Variants in ACAD10 observed in about 807,000 individuals in gnomAD.
ACAD10 encodes the protein ACAD-10.
Under a neutral mutation model 116.8 loss-of-function variants are expected in ACAD10, and 112 were observed. The ratio of observed to expected loss-of-function variants is 0.96; its 90% CI spans 0.82 to 1.12. ACAD10 has a LOEUF of 1.12. Among genes scored for constraint, ACAD10 ranks in the 50% most tolerant of loss-of-function variants. ACAD10 has a pLI of 0.00. For missense variants in ACAD10, 1,259 were observed against 1,350.2 expected (o/e 0.93, Z 1.06); for synonymous variants, 486 against 510.6 (o/e 0.95, Z 0.65).
chr12:111,703,866 TA>T (rs1198138718), intron 3 of ACAD10, among the ~76,000 whole-genome samples: 1 of 151,192 alleles, frequency 6.6e-6, no homozygotes. Context: ...AAAAAAAGGT[TA>T]AAATGGTAAA....
At position 111,748,341 on chromosome 12, in the gene ACAD10, T is replaced by C. The variant is rs267603310; in HGVS notation, c.2510T>C (p.Leu837Pro). 6.2e-7 allele frequency: 1 copy of C among 1,614,044 alleles called. No individual in the cohort carries two copies. The highest frequency in any genetic ancestry group is 1.3e-5 in the African/African-American group (1 of 74,918). ...GGCATCCTGGATCCTCGTTGCCAAC[T>C]CTGTGTGTTTATGGGAAAAACAGAC... ...ITGILDPRCQ[L>P]CVFMGKTDPH... Residue 837 changes from leucine (L) to proline (P), a missense_variant, in exon 17 of 21, where the codon CTC (leucine) becomes CCC (proline). Physicochemically the swap from Leu to Pro is moderately conservative, Grantham distance 98. Transcript: ENST00000313698.
intron 10 of ACAD10, among the ~76,000 whole-genome samples, chr12:111,731,081 A>G (rs1889373876): frequency 6.6e-6 from 1 of 152,336 alleles, no homozygotes; most frequent in East Asian, 1.9e-4. Flanking sequence ...ATGAGCCACC[A>G]TGCCCAGCCT....
intron 2 of ACAD10, among the ~76,000 whole-genome samples, chr12:111,699,845 G>A (rs1414086740): frequency 6.6e-6 from 1 of 152,170 alleles, no homozygotes; most frequent in Non-Finnish European, 1.5e-5. Flanking sequence ...ACTTGATCCT[G>A]GGAGCTTGAG....
At chr12:111,749,021 G>T (rs1199403687) in intron 17 of ACAD10, 152 bp from the exon 18 acceptor site, 2 of 1,612,822 alleles carry the variant, frequency 1.2e-6, no homozygotes. Flanking sequence ...GCTGTTTCCT[G>T]CCGTCCTTTT....
chr12:111,705,992 A>T, intron 4 of ACAD10, 60 bp downstream of exon 4: 1 of 1,554,680 alleles, frequency 6.4e-7, no homozygotes, highest in Non-Finnish European at 8.8e-7. Flanking sequence ...TTCAGGGTGC[A>T]ATGTTAAATG....
At chr12:111,709,441 C>T (rs1222847541) in intron 4 of ACAD10, 85 bp from the exon 5 acceptor site, 2 of 1,177,062 alleles carry the variant, frequency 1.7e-6, no homozygotes, top group African/African-American at 1.6e-5. Flanking sequence ...CCTTCTTATG[C>T]TTTTCCTCTC....
At position 111,729,923 on chromosome 12, in the gene ACAD10, A is replaced by G; in HGVS notation, c.1361A>G (p.Gln454Arg). ...TGGCTGCCCCTCCATCTTCCCCGTC[A>G]GCAGAGGACCACAGTGGTGCACGGG... ...IEWLPLHLPR[Q>R]QRTTVVHGDF... The change falls in exon 10 of 21, where the codon CAG becomes CGG. Residue 454 changes from glutamine to arginine, a missense_variant. Physicochemically the swap from Gln to Arg is conservative, Grantham distance 43. Coordinates refer to ENST00000313698, the MANE Select transcript of ACAD10 (RefSeq NM_025247.6). 1.2e-6 allele frequency: 2 copies of G among 1,614,194 alleles called. No homozygotes were observed. The highest frequency in any genetic ancestry group is 2.2e-5 in the South Asian group (2 of 91,078).
At position 111,692,791 on chromosome 12, in the gene ACAD10, C is replaced by T. The variant is rs374462831; in HGVS notation, c.82C>T (p.His28Tyr). 400 of 1,614,042 alleles carry T rather than the reference C, an allele frequency of 2.5e-4. No individual in the cohort carries two copies. Among genetic ancestry groups the T allele is most frequent in the Non-Finnish European group, 3.3e-4 (386 of 1,180,036 alleles). The change falls in exon 2 of 21, where the codon CAC becomes TAC. Residue 28 changes from histidine to tyrosine, a missense_variant. By Grantham distance (83) the His-to-Tyr change is moderately conservative (BLOSUM62 2). Transcript: ENST00000313698. ...CTTCCTGAAACACACCCAGCGCAGG[C>T]ACCAGGGGTCCCACCGATGGACACA... ...TAFLKHTQRR[H>Y]QGSHRWTHLG...
intron 18 of ACAD10, 134 bp from the exon 19 acceptor site, chr12:111,753,638 A>G: frequency 8.4e-7 from 1 of 1,189,052 alleles, no homozygotes; most frequent in South Asian, 1.3e-5. Flanking sequence ...GAGAAGATGC[A>G]CAGTCCTGGT....
intron 1 of ACAD10, among the ~76,000 whole-genome samples, chr12:111,689,189 C>A (rs1251748606): frequency 6.6e-6 from 1 of 151,418 alleles, no homozygotes; most frequent in Admixed American, 6.6e-5. Flanking sequence ...GACTCCATAT[C>A]AAAAAATATA....
intron 18 of ACAD10, among the ~76,000 whole-genome samples, chr12:111,750,051 G>A (rs2093870803): frequency 1.3e-5 from 2 of 150,796 alleles, no homozygotes; most frequent in African/African-American, 2.4e-5. Flanking sequence ...GGGATTACAG[G>A]TGTGAGCCAC....
intron 2 of ACAD10, among the ~76,000 whole-genome samples, chr12:111,699,868 C>T (rs1205762725): frequency 6.6e-6 from 1 of 152,106 alleles, no homozygotes; most frequent in Non-Finnish European, 1.5e-5. Flanking sequence ...TGCAGTGGGC[C>T]ATGACTGTGC....
chr12:111,692,326 G>A (rs1888072319), intron 1 of ACAD10, among the ~76,000 whole-genome samples: 2 of 152,194 alleles, frequency 1.3e-5, no homozygotes, highest in African/African-American at 2.4e-5. Context: ...ATTGGAGAGA[G>A]GTCTGAGAAG....
At chr12:111,750,560 TGGGTGACA>T (rs1313449654) in intron 18 of ACAD10, among the ~76,000 whole-genome samples, 3 of 152,134 alleles carry the variant, frequency 2.0e-5, no homozygotes, top group African/African-American at 7.2e-5. Context: ...CACTCCAGCC[TGGGTGACA>T]GAGTGAGACC....
At chr12:111,746,087 T>C (rs1017245761) in intron 13 of ACAD10, 57 bp from the exon 14 acceptor site, 1 of 1,588,544 alleles carries the variant, frequency 6.3e-7, no homozygotes. Flanking sequence ...TTTTCCACGG[T>C]TCAAAATAAA....
At chr12:111,755,356 T>C (rs1890179954) in intron 19 of ACAD10, among the ~76,000 whole-genome samples, 1 of 152,180 alleles carries the variant, frequency 6.6e-6, no homozygotes, top group Admixed American at 6.5e-5. Flanking sequence ...TCTGCCCGCC[T>C]CGGCCTCCCA....
At chr12:111,713,994 C>G (rs1180205099) in intron 6 of ACAD10, among the ~76,000 whole-genome samples, 1 of 151,976 alleles carries the variant, frequency 6.6e-6, no homozygotes, top group East Asian at 1.9e-4. Flanking sequence ...CTGTAATCCC[C>G]AGTACTTTGG....
At chr12:111,745,271 C>G in intron 13 of ACAD10, 1 of 547,454 alleles carries the variant, frequency 1.8e-6, no homozygotes, top group Non-Finnish European at 3.2e-6. Context: ...GACTGCACAG[C>G]CCAGGCAGTG....
chr12:111,748,238 T>G lies in ACAD10; in HGVS notation c.2486-79T>G, dbSNP rs75138525. 4,589 of 1,565,562 alleles carry G rather than the reference T, an allele frequency of 2.9e-3. 119 individuals carry two copies. The African/African-American group carries it at 0.054, about 18-fold the overall frequency. ...TGTCTGCTTCCTTACTGTGCCTTTCTTGGGCCAGGACCACGTGTGTAGAGA... is the reference window on the plus strand; with the variant it reads ...TGTCTGCTTCCTTACTGTGCCTTTCGTGGGCCAGGACCACGTGTGTAGAGA... On this transcript the variant is annotated intron_variant, in intron 16 of 20. Transcript: ENST00000313698.
Sources: gnomAD v4.1 joint callset for allele counts (sites outside exome capture counted in the v4.1 genomes callset) on GRCh38, gnomAD v4.1.1 for gene constraint, MANE v1.5 for transcripts, NCBI Gene and HGNC (gene_info 2026-07-23, HGNC 2026-07-21) for gene names.